The following THSD7A variants were observed in gnomAD, a reference collection of about 807,000 sequenced individuals.
THSD7A encodes the protein thrombospondin type 1 domain containing 7A.
A neutral mutation model predicts 231.3 loss-of-function variants in THSD7A; 96 were observed. The ratio of observed to expected loss-of-function variants is 0.41; its 90% CI spans 0.35 to 0.49. THSD7A has a LOEUF of 0.49. THSD7A is among the 20% of genes least tolerant of loss of function. THSD7A has a pLI of 0.05. For missense variants in THSD7A, 2,290 were observed against 2,070.2 expected, an observed-to-expected ratio of 1.11 and a Z score of -2.06; for synonymous variants, 940 against 743.3, an observed-to-expected ratio of 1.26 and a Z score of -4.30.
chr7:11,456,576 G>A (rs1178462677), intron 11 of THSD7A, among the ~76,000 whole-genome samples: 1 of 152,028 alleles, frequency 6.6e-6, no homozygotes, highest in Non-Finnish European at 1.5e-5. Context: ...ATTATTAGAA[G>A]TTCTGACTAC....
chr7:11,487,996 T>A (rs373472237), intron 6 of THSD7A, among the ~76,000 whole-genome samples: 3 of 152,184 alleles, frequency 2.0e-5, no homozygotes, highest in African/African-American at 7.2e-5. Context: ...AACAGTGCTA[T>A]GTGCAAAGCA....
intron 1 of THSD7A, among the ~76,000 whole-genome samples, chr7:11,670,184 A>C (rs1783323238): frequency 6.6e-6 from 1 of 152,166 alleles, no homozygotes; most frequent in Non-Finnish European, 1.5e-5. Flanking sequence ...TTTGGCTATC[A>C]TGGAGGGTAT....
chr7:11,459,950 A>G (rs1441977520), intron 11 of THSD7A, among the ~76,000 whole-genome samples: 1 of 152,100 alleles, frequency 6.6e-6, no homozygotes, highest in Non-Finnish European at 1.5e-5. Context: ...ATAAGTCAAT[A>G]TGAGTAAAAA....
At chr7:11,399,520 G>A (rs7793926) in intron 23 of THSD7A, among the ~76,000 whole-genome samples, 56,978 of 151,640 alleles carry the variant, frequency 0.38, 11,262 homozygotes, top group African/African-American at 0.49. Context: ...TTTCCTTTTT[G>A]CTTTTCTTAA....
At chr7:11,611,836 A>ATTTG (rs1780938902) in intron 2 of THSD7A, among the ~76,000 whole-genome samples, 1 of 135,248 alleles carries the variant, frequency 7.4e-6, no homozygotes, top group African/African-American at 2.9e-5. Flanking sequence ...ACACACTATC[A>ATTTG]TCTGTCTATC....
chr7:11,481,118 C>T (rs1307326215), intron 7 of THSD7A, among the ~76,000 whole-genome samples: 1 of 152,120 alleles, frequency 6.6e-6, no homozygotes, highest in Non-Finnish European at 1.5e-5. Context: ...ATTTGGATAT[C>T]ATCTTGAGAG....
intron 11 of THSD7A, among the ~76,000 whole-genome samples, chr7:11,459,940 A>G (rs948132158): frequency 1.3e-5 from 2 of 152,102 alleles, no homozygotes; most frequent in Non-Finnish European, 2.9e-5. Flanking sequence ...GCTGTATGCT[A>G]TAAGTCAATA....
intron 1 of THSD7A, among the ~76,000 whole-genome samples, chr7:11,770,433 G>C (rs1186656746): frequency 6.6e-6 from 1 of 152,076 alleles, no homozygotes; most frequent in Non-Finnish European, 1.5e-5. Context: ...TTTATTTTCT[G>C]TTTATCTAAA....
At chr7:11,730,375 C>T (rs1781688392) in intron 1 of THSD7A, among the ~76,000 whole-genome samples, 1 of 151,422 alleles carries the variant, frequency 6.6e-6, no homozygotes, top group Admixed American at 6.6e-5. Context: ...ATACTGAATG[C>T]ACTCTGAACT....
intron 1 of THSD7A, among the ~76,000 whole-genome samples, chr7:11,798,931 T>C (rs1444892615): frequency 1.2e-5 from 1 of 84,376 alleles, no homozygotes; most frequent in Non-Finnish European, 2.1e-5. Context: ...TGAACAACTC[T>C]TTTTTTTTTT....
intron 2 of THSD7A, among the ~76,000 whole-genome samples, chr7:11,612,021 G>A (rs182555046): frequency 6.6e-6 from 1 of 152,046 alleles, no homozygotes; most frequent in Non-Finnish European, 1.5e-5. Context: ...TCTCTGAGAA[G>A]GCTTGAGCCC....
chr7:11,550,776 A>G (rs1023280952), intron 4 of THSD7A, among the ~76,000 whole-genome samples: 1 of 152,200 alleles, frequency 6.6e-6, no homozygotes, highest in Non-Finnish European at 1.5e-5. Flanking sequence ...ATTCTGCCCA[A>G]AACAATTTAC....
intron 6 of THSD7A, among the ~76,000 whole-genome samples, chr7:11,533,082 G>C (rs948613009): frequency 5.9e-5 from 9 of 152,276 alleles, no homozygotes; most frequent in Non-Finnish European, 8.8e-5. Flanking sequence ...AACAGTGATG[G>C]ATATGGCTTT....
Position 11,615,114 on chromosome 7 carries a change from A to C in THSD7A, c.1022+21016T>G, listed in dbSNP as rs1038656115. Among the ~76,000 whole-genome samples the C allele has an allele frequency of 1.3e-5, 2 of 152,268 alleles. 1 individual carries two copies. ...CACAGGCTGGAAAGATGCAGACTAC[A>C]TATCTCTGGCTCCCTTGCAGCTTGA... On this transcript the variant is annotated intron_variant, in intron 2 of 27. Transcript: ENST00000423059.
At chr7:11,490,864 T>C (rs1470886706) in intron 6 of THSD7A, among the ~76,000 whole-genome samples, 1 of 152,114 alleles carries the variant, frequency 6.6e-6, no homozygotes, top group Admixed American at 6.6e-5. Flanking sequence ...AAGCTAATAA[T>C]AGTACTTATG....
intron 4 of THSD7A, among the ~76,000 whole-genome samples, chr7:11,582,046 G>T (rs1433700918): frequency 6.6e-6 from 1 of 151,856 alleles, no homozygotes; most frequent in African/African-American, 2.4e-5. Flanking sequence ...ATAATTTTCT[G>T]TAATAATCTT....
rs189594082 is a variant in THSD7A, at chr7:11,581,939, T to C, written c.1453+8521A>G. On this transcript the variant is annotated intron_variant, in intron 4 of 27. Coordinates refer to ENST00000423059, the MANE Select transcript of THSD7A (RefSeq NM_015204.3). Reference sequence around the variant, plus strand: ...TTACATATTTTCCAGCGGTGGTGACTGTTTGGACTCAATAGTCCACACTCT... The same window carrying C: ...TTACATATTTTCCAGCGGTGGTGACCGTTTGGACTCAATAGTCCACACTCT... Among the ~76,000 whole-genome samples, 6 of 152,258 alleles carry C rather than the reference T, an allele frequency of 3.9e-5. No homozygotes were observed. In the East Asian group the frequency reaches 5.8e-4, roughly 15 times the overall value.
At chr7:11,755,422 T>A (rs1457987309) in intron 1 of THSD7A, among the ~76,000 whole-genome samples, 1 of 152,090 alleles carries the variant, frequency 6.6e-6, no homozygotes, top group Non-Finnish European at 1.5e-5. Flanking sequence ...TTGTCCTAGT[T>A]AAAGTCCTCC....
At chr7:11,757,119 T>A (rs1782710317) in intron 1 of THSD7A, among the ~76,000 whole-genome samples, 1 of 152,016 alleles carries the variant, frequency 6.6e-6, no homozygotes, top group Non-Finnish European at 1.5e-5. Flanking sequence ...TATGTATTTT[T>A]AAATATAAAG....
Sources: gnomAD v4.1 joint callset for allele counts (sites outside exome capture counted in the v4.1 genomes callset) on GRCh38, gnomAD v4.1.1 for gene constraint, MANE v1.5 for transcripts, NCBI Gene and HGNC (gene_info 2026-07-23, HGNC 2026-07-21) for gene names.